The following CRTAC1 variants were observed in gnomAD, a reference collection of about 807,000 sequenced individuals.
The protein encoded by CRTAC1 is acidic secreted protein in cartilage.
CRTAC1 carries 37 observed loss-of-function variants against 67.8 expected under a neutral mutation model. The observed-to-expected ratio is 0.55, with a 90% CI of 0.42 to 0.72. The LOEUF (loss-of-function observed/expected upper bound fraction) is 0.72. Among genes scored for constraint, CRTAC1 ranks in the 30% least tolerant of loss-of-function variants. The probability of loss-of-function intolerance (pLI) is 0.00; values close to 1 mark genes in which losing one functional copy is unlikely to be tolerated. For missense variants in CRTAC1, 780 were observed against 931.6 expected, an observed-to-expected ratio of 0.84 and a Z score of 2.12; for synonymous variants, 348 against 371.0, an observed-to-expected ratio of 0.94 and a Z score of 0.71.
At chr10:97,886,929 C>T (rs1158470967) in intron 11 of CRTAC1, among the ~76,000 whole-genome samples, 1 of 151,844 alleles carries the variant, frequency 6.6e-6, no homozygotes, top group African/African-American at 2.4e-5. Context: ...ACAGACGTGA[C>T]CCACCACACC....
intron 14 of CRTAC1, among the ~76,000 whole-genome samples, chr10:97,878,213 C>T (rs766472619): frequency 1.3e-5 from 2 of 152,214 alleles, no homozygotes; most frequent in Non-Finnish European, 2.9e-5. Flanking sequence ...GCTCTCTGAG[C>T]CTCATCTCTG....
chr10:98,020,840 AC>A (rs1843103582), intron 1 of CRTAC1, among the ~76,000 whole-genome samples: 1 of 152,228 alleles, frequency 6.6e-6, no homozygotes, highest in Non-Finnish European at 1.5e-5. Context: ...TGTGAGTGAC[AC>A]AGGCCCAGTG....
At chr10:97,944,391 C>G (rs2051230069) in intron 2 of CRTAC1, among the ~76,000 whole-genome samples, 1 of 151,472 alleles carries the variant, frequency 6.6e-6, no homozygotes, top group Non-Finnish European at 1.5e-5. Context: ...AAGATCGCCC[C>G]ATTGCTGTCA....
At chr10:97,918,476 G>A (rs1311219498) in intron 4 of CRTAC1, among the ~76,000 whole-genome samples, 3 of 152,156 alleles carry the variant, frequency 2.0e-5, no homozygotes, top group African/African-American at 7.2e-5. Context: ...TCAGTTTTCT[G>A]GCTTTTCTCT....
intron 2 of CRTAC1, among the ~76,000 whole-genome samples, chr10:97,972,828 T>C (rs2051736838): frequency 6.6e-6 from 1 of 152,164 alleles, no homozygotes; most frequent in African/African-American, 2.4e-5. Flanking sequence ...TGAAATACGA[T>C]GAGAACTCAA....
intron 11 of CRTAC1, among the ~76,000 whole-genome samples, chr10:97,891,998 C>G (rs1451362630): frequency 6.6e-6 from 1 of 152,174 alleles, no homozygotes; most frequent in African/African-American, 2.4e-5. Context: ...CCCCTTAGAG[C>G]AGTTTGAGCC....
At chr10:97,952,538 C>CAAAAAAAAAAA (rs397844653) in intron 2 of CRTAC1, among the ~76,000 whole-genome samples, 27 of 64,218 alleles carry the variant, frequency 4.2e-4, no homozygotes, top group African/African-American at 1.7e-3. Flanking sequence ...AATTCCATCT[C>CAAAAAAAAAAA]AAAAAAAAAA....
At chr10:97,960,442 A>G (rs1170702195) in intron 2 of CRTAC1, among the ~76,000 whole-genome samples, 1 of 152,266 alleles carries the variant, frequency 6.6e-6, no homozygotes, top group Non-Finnish European at 1.5e-5. Flanking sequence ...GCATGTGTGT[A>G]TATATAGCAC....
At chr10:97,896,105 C>T (rs1270534707) in intron 9 of CRTAC1, 120 bp from the exon 10 acceptor site, 16 of 829,530 alleles carry the variant, frequency 1.9e-5, no homozygotes, top group South Asian at 6.4e-5. Flanking sequence ...AGCACAGCAC[C>T]GGGGCAGGAA....
chr10:98,006,931 T>C (rs1366083886), intron 2 of CRTAC1, among the ~76,000 whole-genome samples: 2 of 152,172 alleles, frequency 1.3e-5, no homozygotes, highest in Non-Finnish European at 2.9e-5. Flanking sequence ...GAGTTGACAA[T>C]CAGACAGATA....
rs554946533 is a variant in CRTAC1, at chr10:97,982,275, A to G, written c.224+28863T>C. On this transcript the variant is annotated intron_variant, in intron 2 of 14. Coordinates refer to ENST00000370597, the MANE Select transcript of CRTAC1 (RefSeq NM_018058.7). ...GGTCTAGGCAGGAATCTTTGATAAT[A>G]CGAACACTTTCTGACCCTTCAAGGT... Among the ~76,000 whole-genome samples, 19 of 152,358 alleles carry G rather than the reference A, an allele frequency of 1.2e-4. No individual in the cohort carries two copies. In the East Asian group the frequency reaches 2.9e-3, roughly 23 times the overall value.
At position 98,030,532 on chromosome 10, in the gene CRTAC1, T is replaced by TGCCGCCGGC. The variant is rs1186577106; in HGVS notation, c.-69_-61dup. 4 of 1,182,872 alleles carry TGCCGCCGGC rather than the reference T, an allele frequency of 3.4e-6. No individual in the cohort carries two copies. The East Asian group carries it at 9.6e-5, about 28-fold the overall frequency. 73.3% of individuals were successfully genotyped at this position (1,182,872 alleles called of 1,614,324 possible). The stretch of plus-strand genomic sequence containing the variant: ...GGAAGCGGGCGCTCGCTGCCGCCTC[T>TGCCGCCGGC]GCCGCCGGCGCCGCCGCCTGCTTGC... On this transcript the variant is annotated 5_prime_UTR_variant, in exon 1 of 15. Transcript: ENST00000370597. This position sits in a 1 kb window ranked among gnomAD's most constrained non-coding sequence, Gnocchi z 4.2.
chr10:97,868,944 A>C (rs1471765429), intron 14 of CRTAC1: 2 of 152,256 alleles, frequency 1.3e-5, no homozygotes, highest in Non-Finnish European at 2.9e-5. Context: ...CAATTCTCAC[A>C]GCAACCCTCT....
At chr10:97,954,087 C>T (rs926312009) in intron 2 of CRTAC1, among the ~76,000 whole-genome samples, 4 of 152,120 alleles carry the variant, frequency 2.6e-5, no homozygotes, top group Admixed American at 6.5e-5. Flanking sequence ...AGCTGAGGAG[C>T]GTGGCAAGAC....
chr10:97,889,821 T>C (rs867216736), intron 11 of CRTAC1, among the ~76,000 whole-genome samples: 2 of 152,132 alleles, frequency 1.3e-5, no homozygotes, highest in Admixed American at 6.5e-5. Flanking sequence ...GCTGAAGCCT[T>C]GTGAGTGCTG....
chr10:97,983,219 G>A (rs1173935437), intron 2 of CRTAC1, among the ~76,000 whole-genome samples: 1 of 152,226 alleles, frequency 6.6e-6, no homozygotes, highest in South Asian at 2.1e-4. Flanking sequence ...CACAGAGAGA[G>A]TTATGGAATG....
chr10:97,987,486 GTGC>G (rs1276931344), intron 2 of CRTAC1, among the ~76,000 whole-genome samples: 2 of 152,198 alleles, frequency 1.3e-5, no homozygotes, highest in East Asian at 3.8e-4. Flanking sequence ...AGATAAATGG[GTGC>G]TGAAGTGGAT....
At position 97,865,471 on chromosome 10, in the gene CRTAC1, C is replaced by A; in HGVS notation, c.*77G>T. ...TAGCTCCCAGGCCTTTACATCCCTA[C>A]TGTCTAGGCAGCAGCACAAGCCCAC... On this transcript the variant is annotated 3_prime_UTR_variant, in exon 15 of 15. Transcript: ENST00000370597. The A allele has an allele frequency of 1.3e-6, 2 of 1,518,666 alleles. No individual in the cohort carries two copies. Among genetic ancestry groups the A allele is most frequent in the Non-Finnish European group, 1.8e-6 (2 of 1,122,818 alleles). The allele number at this position is 1,518,666 out of a possible 1,614,324, so 94.1% of individuals were successfully genotyped here.
rs371086996 is a variant in CRTAC1, at chr10:97,926,439, A to G, written c.422-3039T>C. ...AGTTCGGCAGCAGCTTTGAGACCCC[A>G]GGTCCACAGCCCCTCCTCAAAATTC... On this transcript the variant is annotated intron_variant, in intron 3 of 14. Transcript: ENST00000370597. 2.6e-5 allele frequency among the ~76,000 whole-genome samples: 4 copies of G among 152,164 alleles called. No individual in the cohort carries two copies. The South Asian group carries it at 6.2e-4, about 24-fold the overall frequency.
Sources: allele counts gnomAD v4.1 joint callset (sites outside exome capture counted in the v4.1 genomes callset), GRCh38; gene constraint gnomAD v4.1.1; non-coding constraint Gnocchi (gnomAD v3.1); transcripts MANE v1.5; gene names NCBI Gene and HGNC (gene_info 2026-07-23, HGNC 2026-07-21).